Variants in TMIGD3 observed in about 807,000 individuals in gnomAD.
The protein encoded by TMIGD3 is transmembrane and immunoglobulin domain containing 3.
A neutral mutation model predicts 28.1 loss-of-function variants in TMIGD3; 21 were observed. The observed-to-expected ratio is 0.75, with a 90% confidence interval of 0.53 to 1.08. The LOEUF (loss-of-function observed/expected upper bound fraction) is 1.08, where lower values mean the gene tolerates loss of function less well. Ranked by LOEUF, TMIGD3 falls within the 50% of genes least tolerant of loss-of-function variation. TMIGD3 has a pLI of 0.00. For synonymous variants in TMIGD3, 151 were observed against 162.1 expected (o/e 0.93, Z 0.52); for missense variants, 416 against 435.6 (o/e 0.96, Z 0.40).
upstream of TMIGD3, chr1:111,504,181 T>C (rs1655394319): frequency 1.0e-6 from 1 of 965,180 alleles, no homozygotes; most frequent in Non-Finnish European, 1.2e-6. Flanking sequence ...TCAGCACCTC[T>C]GAGAAGCATC....
In TMIGD3 at chr1:111,502,899, C is replaced by T. The variant is rs1655314864; in HGVS notation, c.350+106G>A. The T allele has an allele frequency of 7.1e-6, 10 of 1,409,168 alleles. 1 individual carries two copies. In the South Asian group the frequency reaches 1.4e-4, roughly 20 times the overall value. The allele number at this position is 1,409,168 out of a possible 1,614,324, so 87.3% of individuals were successfully genotyped here. On this transcript the variant is annotated intron_variant, in intron 1 of 5. Transcript: ENST00000369716. ...GACACTTATTGCCCTCTTTCAACAT[C>T]AAGGGCCAATTTGGATACATTTTTA...
chr1:111,512,463 T>C (rs11102290), intron 1 of TMIGD3, among the ~76,000 whole-genome samples: 34,823 of 152,250 alleles, frequency 0.23, 4,862 homozygotes, highest in East Asian at 0.43. Context: ...TGTGTCTAAA[T>C]GGATGACCTT....
At chr1:111,522,502 T>C (rs1656106118) in intron 1 of TMIGD3, among the ~76,000 whole-genome samples, 1 of 151,716 alleles carries the variant, frequency 6.6e-6, no homozygotes, top group African/African-American at 2.4e-5. Flanking sequence ...AATGTACTCT[T>C]AAGTATTGTT....
chr1:111,520,615 T>C (rs560969176), intron 1 of TMIGD3, among the ~76,000 whole-genome samples: 101 of 152,332 alleles, frequency 6.6e-4, no homozygotes, highest in African/African-American at 2.3e-3. Flanking sequence ...CCATTCATTT[T>C]TCAAATATAT....
chr1:111,533,061 A>G (rs929993467), intron 1 of TMIGD3, among the ~76,000 whole-genome samples: 3 of 152,306 alleles, frequency 2.0e-5, no homozygotes, highest in Admixed American at 2.0e-4. Context: ...CCTAACCAGA[A>G]TATCTGGTCT....
intron 1 of TMIGD3, among the ~76,000 whole-genome samples, chr1:111,558,652 CTAAAA>C (rs138542672): frequency 0.11 from 15,994 of 151,976 alleles, 2,118 homozygotes; most frequent in African/African-American, 0.31. Context: ...AAAAATTTTG[CTAAAA>C]TAAATGGGTT....
At position 111,502,248 on chromosome 1, in the gene TMIGD3, T is replaced by TATTATAATAAATATATAGGATATATATTC. The variant is rs1557824359; in HGVS notation, c.350+728_350+756dup. Among the ~76,000 whole-genome samples, 3 of 75,632 alleles carry TATTATAATAAATATATAGGATATATATTC rather than the reference T, an allele frequency of 4.0e-5. No individual in the cohort carries two copies. In the East Asian group the frequency reaches 1.4e-3, roughly 34 times the overall value. The allele number at this position is 75,632 out of a possible 152,430, so 49.6% of individuals were successfully genotyped here. On this transcript the variant is annotated intron_variant, in intron 1 of 5. Coordinates refer to ENST00000369716, the MANE Select transcript of TMIGD3 (RefSeq NM_020683.7). The stretch of plus-strand genomic sequence containing the variant: ...TTATAATGAATATATAGGATATATT[T>TATTATAATAAATATATAGGATATATATTC]ATTATAATAAATATATAGGATATAT...
rs976066388 is a variant in TMIGD3, at chr1:111,503,625, A to C, written c.-271T>G. On this transcript the variant is annotated 5_prime_UTR_variant, in exon 1 of 6. Transcript: ENST00000369716. ...TTCCAGAATGCTGTAGGACAGCTCT[A>C]TATGGACTGAATCTGAAAGTGCTGC... 2 of 1,226,086 alleles carry C rather than the reference A, an allele frequency of 1.6e-6. No homozygotes were observed. Among genetic ancestry groups the C allele is most frequent in the East Asian group, 3.9e-5 (1 of 25,910 alleles). 76.0% of individuals were successfully genotyped at this position (1,226,086 alleles called of 1,614,324 possible).
At chr1:111,498,232 C>A (rs190200094) in intron 1 of TMIGD3, among the ~76,000 whole-genome samples, 1 of 152,200 alleles carries the variant, frequency 6.6e-6, no homozygotes, top group Non-Finnish European at 1.5e-5. Context: ...TTTTCAGATA[C>A]GCTTACCCAC....
chr1:111,544,473 T>C (rs1395255317), intron 1 of TMIGD3, among the ~76,000 whole-genome samples: 1 of 152,244 alleles, frequency 6.6e-6, no homozygotes, highest in Non-Finnish European at 1.5e-5. Flanking sequence ...CTTTTGTGTC[T>C]AACTTATTTC....
chr1:111,486,825 A>G (rs1284803423), intron 3 of TMIGD3, among the ~76,000 whole-genome samples, 173 bp from the exon 4 acceptor site: 1 of 152,212 alleles, frequency 6.6e-6, no homozygotes, highest in African/African-American at 2.4e-5. Flanking sequence ...TGCACAGGGA[A>G]CAAGGCTGAG....
chr1:111,508,347 G>A (rs1306687800), upstream of TMIGD3, among the ~76,000 whole-genome samples: 1 of 152,242 alleles, frequency 6.6e-6, no homozygotes, highest in Admixed American at 6.5e-5. Context: ...CTGAAAGAGT[G>A]ACTCCTGCGT....
intron 1 of TMIGD3, among the ~76,000 whole-genome samples, chr1:111,499,157 C>T (rs552819239): frequency 7.0e-4 from 106 of 151,920 alleles, no homozygotes; most frequent in African/African-American, 2.4e-3. Flanking sequence ...AATAGCTATC[C>T]ATTGTCTCTT....
At chr1:111,544,667 G>A (rs541062181) in intron 1 of TMIGD3, among the ~76,000 whole-genome samples, 7 of 152,192 alleles carry the variant, frequency 4.6e-5, no homozygotes, top group African/African-American at 1.7e-4. Flanking sequence ...ATGAACATTG[G>A]TGTACAAGTT....
At chr1:111,559,802 G>A (rs1003021298) in intron 1 of TMIGD3, among the ~76,000 whole-genome samples, 3 of 152,150 alleles carry the variant, frequency 2.0e-5, no homozygotes, top group African/African-American at 7.2e-5. Flanking sequence ...TAGCTATGAG[G>A]TGGCTTCAAA....
chr1:111,557,275 G>T (rs1051722073), intron 1 of TMIGD3, among the ~76,000 whole-genome samples: 8 of 152,148 alleles, frequency 5.3e-5, no homozygotes, highest in African/African-American at 1.9e-4. Context: ...AAGGCCAGGC[G>T]TGGTGGCTCA....
At chr1:111,512,957 CCT>C (rs1016738255) in intron 1 of TMIGD3, among the ~76,000 whole-genome samples, 3 of 152,188 alleles carry the variant, frequency 2.0e-5, no homozygotes, top group African/African-American at 7.2e-5. Flanking sequence ...GTACCATTTT[CCT>C]CTCTTTTCTC....
At chr1:111,527,798 C>A (rs1397824840) in intron 1 of TMIGD3, among the ~76,000 whole-genome samples, 1 of 152,168 alleles carries the variant, frequency 6.6e-6, no homozygotes, top group African/African-American at 2.4e-5. Context: ...CTTATATCAT[C>A]TTTGGTGAGC....
At chr1:111,516,794 G>A (rs1041546487) in intron 1 of TMIGD3, among the ~76,000 whole-genome samples, 1 of 152,178 alleles carries the variant, frequency 6.6e-6, no homozygotes, top group Non-Finnish European at 1.5e-5. Flanking sequence ...AAGGTGAAGG[G>A]GGCCCTCAGG....
Sources: allele counts gnomAD v4.1 joint callset (sites outside exome capture counted in the v4.1 genomes callset), GRCh38; gene constraint gnomAD v4.1.1; transcripts MANE v1.5; gene names NCBI Gene and HGNC (gene_info 2026-07-23, HGNC 2026-07-21).